MIR2052HG: variants seen among roughly 807,000 people sequenced by gnomAD.
The protein encoded by MIR2052HG is MIR2052 host gene.
At chr8:74,750,847 G>C (rs1809936816) in intron 4 of MIR2052HG, among the ~76,000 whole-genome samples, 1 of 152,154 alleles carries the variant, frequency 6.6e-6, no homozygotes, top group Admixed American at 6.6e-5. Flanking sequence ...AGATATACTG[G>C]TCTTAGTATC....
intron 2 of MIR2052HG, among the ~76,000 whole-genome samples, chr8:74,655,856 C>T (rs1808801051): frequency 6.6e-6 from 1 of 152,196 alleles, no homozygotes; most frequent in African/African-American, 2.4e-5. Context: ...AAGCCACAGA[C>T]ACTCAACATC....
At chr8:74,692,761 G>A (rs2128740059) in intron 2 of MIR2052HG, among the ~76,000 whole-genome samples, 1 of 152,304 alleles carries the variant, frequency 6.6e-6, no homozygotes, top group South Asian at 2.1e-4. Flanking sequence ...CAGGTTAACA[G>A]TTCTGTCTTA....
intron 2 of MIR2052HG, among the ~76,000 whole-genome samples, chr8:74,665,458 C>CT (rs1227275880): frequency 6.6e-6 from 1 of 152,114 alleles, no homozygotes; most frequent in East Asian, 1.9e-4. Flanking sequence ...TATTGAAGCT[C>CT]TTTTTCCGAA....
intron 2 of MIR2052HG, among the ~76,000 whole-genome samples, chr8:74,641,927 T>C (rs976995548): frequency 1.4e-4 from 21 of 152,106 alleles, no homozygotes; most frequent in African/African-American, 4.3e-4. Context: ...ATGGGGGCCT[T>C]GTGCAGATGC....
At chr8:74,613,155 T>C (rs1330953034) in intron 2 of MIR2052HG, among the ~76,000 whole-genome samples, 8 of 152,174 alleles carry the variant, frequency 5.3e-5, no homozygotes, top group Non-Finnish European at 1.2e-4. Context: ...GCTGAAAGAA[T>C]TGGAGACCGG....
intron 4 of MIR2052HG, among the ~76,000 whole-genome samples, chr8:74,745,668 G>C (rs1476056837): frequency 2.0e-5 from 3 of 152,108 alleles, no homozygotes; most frequent in Non-Finnish European, 4.4e-5. Context: ...ATATATACCT[G>C]ACACTTTGTT....
chr8:74,742,713 C>A (rs1226153269), intron 4 of MIR2052HG, among the ~76,000 whole-genome samples: 1 of 152,168 alleles, frequency 6.6e-6, no homozygotes, highest in Non-Finnish European at 1.5e-5. Flanking sequence ...CACCCATTCT[C>A]CTTCCTCCCC....
At chr8:74,737,055 T>A (rs1809773393) in intron 4 of MIR2052HG, among the ~76,000 whole-genome samples, 1 of 152,206 alleles carries the variant, frequency 6.6e-6, no homozygotes, top group Admixed American at 6.5e-5. Context: ...CCCCACCTTT[T>A]CTGCGCGCAG....
intron 4 of MIR2052HG, among the ~76,000 whole-genome samples, chr8:74,722,698 T>C (rs577067312): frequency 1.3e-5 from 2 of 152,386 alleles, no homozygotes; most frequent in Non-Finnish European, 2.9e-5. Flanking sequence ...ATTACGACCA[T>C]AACAACAGTG....
chr8:74,677,389 A>G (rs967234214), intron 2 of MIR2052HG, among the ~76,000 whole-genome samples: 1 of 152,094 alleles, frequency 6.6e-6, no homozygotes, highest in Admixed American at 6.6e-5. Context: ...GTTCTCAAAC[A>G]CATAAAGAAT....
chr8:74,722,831 TG>T (rs1809592918), intron 4 of MIR2052HG, among the ~76,000 whole-genome samples: 1 of 152,226 alleles, frequency 6.6e-6, no homozygotes, highest in African/African-American at 2.4e-5. Context: ...GGGAGATTTC[TG>T]AGGGTTAAGC....
In MIR2052HG at chr8:74,624,649, A is replaced by G. The variant is rs557936168; in HGVS notation, n.216+11709A>G. On this transcript the variant is annotated intron_variant and non_coding_transcript_variant, in intron 2 of 6. Coordinates refer to ENST00000523442, the Ensembl canonical transcript of MIR2052HG. ...AAAATGCTTGTAAATGCATTTGATC[A>G]ACCTGCTGAAATTTCGATTTTTAGA... 4.6e-5 allele frequency among the ~76,000 whole-genome samples: 7 copies of G among 152,344 alleles called. No individual in the cohort carries two copies. The South Asian group carries it at 1.4e-3, about 32-fold the overall frequency.
At chr8:74,645,108 G>C (rs1808677901) in intron 2 of MIR2052HG, among the ~76,000 whole-genome samples, 1 of 151,840 alleles carries the variant, frequency 6.6e-6, no homozygotes, top group African/African-American at 2.4e-5. Context: ...ATATTGTTTA[G>C]CTAAGTAAGA....
At chr8:74,655,350 A>G (rs796568327) in intron 2 of MIR2052HG, among the ~76,000 whole-genome samples, 30 of 152,308 alleles carry the variant, frequency 2.0e-4, no homozygotes, top group African/African-American at 7.0e-4. Flanking sequence ...ATAGGTCTTC[A>G]TGGCAGTCCC....
At chr8:74,700,352 G>A (rs1220828382) in intron 2 of MIR2052HG, among the ~76,000 whole-genome samples, 3 of 152,088 alleles carry the variant, frequency 2.0e-5, no homozygotes, top group East Asian at 3.9e-4. Context: ...AATCATCTAC[G>A]ATGTGTGAAA....
At chr8:74,749,346 C>G (rs1809919846) in intron 4 of MIR2052HG, among the ~76,000 whole-genome samples, 1 of 151,930 alleles carries the variant, frequency 6.6e-6, no homozygotes, top group South Asian at 2.1e-4. Context: ...AAATCTATCA[C>G]TACTCTGGAA....
At chr8:74,752,281 CAAAAA>C (rs34347449) in intron 4 of MIR2052HG, among the ~76,000 whole-genome samples, 5 of 79,382 alleles carry the variant, frequency 6.3e-5, no homozygotes, top group Non-Finnish European at 7.4e-5. Context: ...GATCCTGTCT[CAAAAA>C]AAAAAAAAAA....
chr8:74,600,217 T>G (rs6988192), intron 1 of MIR2052HG, among the ~76,000 whole-genome samples: 1 of 151,858 alleles, frequency 6.6e-6, no homozygotes, highest in Non-Finnish European at 1.5e-5. Flanking sequence ...AGCTGTAGAC[T>G]GGAGCTGTTC....
chr8:74,676,569 G>T (rs1464016258), intron 2 of MIR2052HG, among the ~76,000 whole-genome samples: 2 of 151,494 alleles, frequency 1.3e-5, no homozygotes, highest in Non-Finnish European at 1.5e-5. Flanking sequence ...AGAAAAAGAA[G>T]TATAGAAAAA....
Sources: allele counts gnomAD v4.1 joint callset (sites outside exome capture counted in the v4.1 genomes callset), GRCh38; gene constraint gnomAD v4.1.1; transcripts MANE v1.5; gene names NCBI Gene and HGNC (gene_info 2026-07-23, HGNC 2026-07-21).